The following NAV2 variants were observed in gnomAD, a reference collection of about 807,000 sequenced individuals.
NAV2 encodes the protein neuron navigator 2.
NAV2 carries 54 observed loss-of-function variants against 223.2 expected under a neutral mutation model. The observed-to-expected ratio is 0.24, with a 90% CI of 0.19 to 0.30. The LOEUF (loss-of-function observed/expected upper bound fraction) is 0.30. NAV2 is among the 10% of genes least tolerant of loss of function. The probability of loss-of-function intolerance (pLI) is 1.00; values close to 1 mark genes in which losing one functional copy is unlikely to be tolerated. For synonymous variants in NAV2, 1,279 were observed against 1,239.3 expected (o/e 1.03, Z -0.67); for missense variants, 2,806 against 3,147.5 (o/e 0.89, Z 2.60).
chr11:19,366,046 G>A (rs1275965391), intron 1 of NAV2, among the ~76,000 whole-genome samples: 2 of 152,176 alleles, frequency 1.3e-5, no homozygotes, highest in Admixed American at 6.5e-5. Flanking sequence ...TGAGAATGGG[G>A]AATTCTTGTG....
chr11:19,733,756 T>C (rs1461160695), intron 1 of NAV2, among the ~76,000 whole-genome samples: 1 of 152,112 alleles, frequency 6.6e-6, no homozygotes, highest in African/African-American at 2.4e-5. Flanking sequence ...AAGAGATTCA[T>C]ATCAGGACAT....
At chr11:19,821,526 GTGTCTGCTGCT>G (rs2059381821) in intron 1 of NAV2, among the ~76,000 whole-genome samples, 2 of 152,226 alleles carry the variant, frequency 1.3e-5, no homozygotes, top group South Asian at 4.1e-4. Context: ...GCATGACCCA[GTGTCTGCTGCT>G]GCATGGGGTC....
chr11:19,434,408 C>A (rs1171916005), intron 1 of NAV2, among the ~76,000 whole-genome samples: 2 of 152,098 alleles, frequency 1.3e-5, no homozygotes, highest in African/African-American at 2.4e-5. Flanking sequence ...GTCAGAATGG[C>A]CAATGTTTTA....
intron 1 of NAV2, among the ~76,000 whole-genome samples, chr11:19,829,406 G>A (rs1252712465): frequency 6.6e-6 from 1 of 152,198 alleles, no homozygotes; most frequent in Non-Finnish European, 1.5e-5. Context: ...GCTGTGAGAA[G>A]GGGAAGAAAT....
intron 1 of NAV2, among the ~76,000 whole-genome samples, chr11:19,359,269 T>C (rs1853795905): frequency 6.6e-6 from 1 of 152,218 alleles, no homozygotes; most frequent in South Asian, 2.1e-4. Context: ...TCTTTATGCG[T>C]GTGGGGATTC....
At chr11:20,027,791 C>G (rs2055259252) in intron 11 of NAV2, 1 of 152,242 alleles carries the variant, frequency 6.6e-6, no homozygotes. Flanking sequence ...ACAACATTAT[C>G]TCACAGGGAG....
intron 32 of NAV2, among the ~76,000 whole-genome samples, chr11:20,101,691 A>G (rs2061653733): frequency 6.6e-6 from 1 of 152,196 alleles, no homozygotes; most frequent in Admixed American, 6.5e-5. Flanking sequence ...GATGGTACTA[A>G]GTGGTAGAAC....
At chr11:19,919,294 G>A (rs931047371) in intron 6 of NAV2, among the ~76,000 whole-genome samples, 3 of 150,806 alleles carry the variant, frequency 2.0e-5, no homozygotes, top group African/African-American at 7.3e-5. Context: ...GTTCTATCTC[G>A]TAGCCATGCA....
chr11:19,434,238 G>T (rs961896103), intron 1 of NAV2, among the ~76,000 whole-genome samples: 1 of 152,190 alleles, frequency 6.6e-6, no homozygotes, highest in Non-Finnish European at 1.5e-5. Flanking sequence ...TTGGACCAAG[G>T]CATCAGATTT....
intron 1 of NAV2, among the ~76,000 whole-genome samples, chr11:19,810,884 G>A (rs139352372): frequency 4.6e-5 from 7 of 152,244 alleles, no homozygotes; most frequent in Admixed American, 2.6e-4. Context: ...TTTTGTCACC[G>A]TTTCCCTTTG....
At chr11:19,759,779 A>G (rs11604080) in intron 1 of NAV2, among the ~76,000 whole-genome samples, 39,116 of 152,036 alleles carry the variant, frequency 0.26, 5,405 homozygotes, top group East Asian at 0.52. Flanking sequence ...AAAAAATAAT[A>G]TATACAAAGT....
chr11:20,023,287 T>C (rs879240792), intron 11 of NAV2, among the ~76,000 whole-genome samples: 1 of 6,958 alleles, frequency 1.4e-4, no homozygotes, highest in Non-Finnish European at 2.9e-4. Flanking sequence ...TGAGTGGGGG[T>C]GGGAGGGGGC....
At chr11:19,837,748 G>A (rs2060309606) in intron 2 of NAV2, among the ~76,000 whole-genome samples, 1 of 152,118 alleles carries the variant, frequency 6.6e-6, no homozygotes, top group South Asian at 2.1e-4. Flanking sequence ...AACTGTTCCA[G>A]GATGAAGGAG....
At chr11:19,566,206 G>C (rs2045265261) in intron 1 of NAV2, among the ~76,000 whole-genome samples, 2 of 152,094 alleles carry the variant, frequency 1.3e-5, no homozygotes, top group South Asian at 4.2e-4. Context: ...GAGTAGCTGG[G>C]ACTACAGGTG....
At chr11:19,561,254 T>C (rs2045086513) in intron 1 of NAV2, among the ~76,000 whole-genome samples, 1 of 152,208 alleles carries the variant, frequency 6.6e-6, no homozygotes, top group Non-Finnish European at 1.5e-5. Context: ...ATGACGGTAC[T>C]GCTCAGTGTG....
chr11:19,949,730 C>A (rs2047228025), intron 10 of NAV2, among the ~76,000 whole-genome samples: 1 of 152,192 alleles, frequency 6.6e-6, no homozygotes. Context: ...ATGTGTATAT[C>A]CTCTGTTGCC....
At chr11:19,393,484 C>A (rs1050911909) in intron 1 of NAV2, among the ~76,000 whole-genome samples, 7 of 152,176 alleles carry the variant, frequency 4.6e-5, no homozygotes, top group African/African-American at 2.4e-5. Context: ...GGGGAAGCTG[C>A]GGATCCCTTT....
intron 3 of NAV2, among the ~76,000 whole-genome samples, chr11:19,861,012 G>C (rs2061739888): frequency 2.1e-5 from 3 of 145,464 alleles, no homozygotes; most frequent in African/African-American, 5.0e-5. Flanking sequence ...GCATCAGAGG[G>C]AGACGGTGGA....
intron 1 of NAV2, among the ~76,000 whole-genome samples, chr11:19,587,508 C>T (rs1043736533): frequency 2.0e-5 from 3 of 152,206 alleles, no homozygotes; most frequent in Non-Finnish European, 1.5e-5. Context: ...CCTATTCAGC[C>T]ACCTTGGCTC....
Sources: gnomAD v4.1 joint callset for allele counts (sites outside exome capture counted in the v4.1 genomes callset) on GRCh38, gnomAD v4.1.1 for gene constraint, MANE v1.5 for transcripts, NCBI Gene and HGNC (gene_info 2026-07-23, HGNC 2026-07-21) for gene names.